USP7: variants seen among roughly 807,000 people sequenced by gnomAD.
USP7 encodes ubiquitin C-terminal hydrolase 7.
A neutral mutation model predicts 162.9 loss-of-function variants in USP7; 9 were observed. The ratio of observed to expected loss-of-function variants is 0.06; its 90% CI spans 0.03 to 0.10. The LOEUF (loss-of-function observed/expected upper bound fraction) is 0.10, where lower values mean the gene tolerates loss of function less well. Ranked by LOEUF, USP7 falls within the 10% of genes least tolerant of loss-of-function variation. The probability of loss-of-function intolerance (pLI) is 1.00; values close to 1 mark genes in which losing one functional copy is unlikely to be tolerated. For missense variants in USP7, 715 were observed against 1,373.7 expected, an observed-to-expected ratio of 0.52 and a Z score of 7.58; for synonymous variants, 562 against 475.9, an observed-to-expected ratio of 1.18 and a Z score of -2.35.
At chr16:8,908,228 CTAAA>C in intron 12 of USP7, 109 bp downstream of exon 12, 3 of 872,658 alleles carry the variant, frequency 3.4e-6, no homozygotes, top group Non-Finnish European at 5.5e-6. Flanking sequence ...GAAGGAAAAT[CTAAA>C]TAAATCAGAT....
chr16:8,920,253 A>AG, intron 5 of USP7, 106 bp downstream of exon 5: 1 of 947,610 alleles, frequency 1.1e-6, no homozygotes, highest in Non-Finnish European at 1.6e-6. Context: ...CGCAGAGAGG[A>AG]GGCTTACTGA....
chr16:8,922,856 G>A (rs187325947), intron 3 of USP7, among the ~76,000 whole-genome samples: 6 of 152,230 alleles, frequency 3.9e-5, no homozygotes, highest in Admixed American at 6.5e-5. Flanking sequence ...TGAACAACCC[G>A]TACAAATTAG....
chr16:8,944,039 C>T lies in USP7; in HGVS notation c.80-13642G>A, dbSNP rs981746525. Among the ~76,000 whole-genome samples, 4 of 152,042 alleles carry T rather than the reference C, an allele frequency of 2.6e-5. No homozygotes were observed. The East Asian group carries it at 7.7e-4, about 29-fold the overall frequency. On this transcript the variant is annotated intron_variant, in intron 1 of 30. Transcript: ENST00000344836. ...AGCCTGGGCAAACATAGGGAGACCC[C>T]CGTCTCTGAAATTAAAAACAAACAA...
At chr16:8,962,264 G>A (rs1900043227) in intron 1 of USP7, among the ~76,000 whole-genome samples, 2 of 152,172 alleles carry the variant, frequency 1.3e-5, no homozygotes, top group South Asian at 2.1e-4. Flanking sequence ...AACTCGTCAC[G>A]TAGGTAAGAA....
chr16:8,926,502 A>T (rs1035528582), intron 2 of USP7, among the ~76,000 whole-genome samples: 3 of 152,076 alleles, frequency 2.0e-5, no homozygotes, highest in Non-Finnish European at 4.4e-5. Flanking sequence ...TCAAGATAGG[A>T]GGGCCAAAAA....
intron 1 of USP7, among the ~76,000 whole-genome samples, chr16:8,955,717 A>AAC (rs919631641): frequency 6.6e-6 from 1 of 151,576 alleles, no homozygotes; most frequent in Non-Finnish European, 1.5e-5. Flanking sequence ...AAAAAAAAAA[A>AAC]AAAAAAAAAC....
chr16:8,958,772 C>T (rs55680140), intron 1 of USP7, among the ~76,000 whole-genome samples: 4 of 152,348 alleles, frequency 2.6e-5, no homozygotes, highest in Non-Finnish European at 2.9e-5. Flanking sequence ...GCATCAGTGG[C>T]GCATGGCACC....
At chr16:8,929,044 C>G (rs1898173511) in intron 2 of USP7, among the ~76,000 whole-genome samples, 1 of 133,862 alleles carries the variant, frequency 7.5e-6, no homozygotes, top group Non-Finnish European at 1.5e-5. Flanking sequence ...GACCTCCCCC[C>G]TAAAAAAAAA....
chr16:8,899,844 T>C (rs1338296280), intron 21 of USP7, 87 bp from the exon 22 acceptor site: 4 of 1,448,090 alleles, frequency 2.8e-6, no homozygotes, highest in Non-Finnish European at 3.9e-6. Flanking sequence ...TACACAACAG[T>C]GACACCAACA....
At chr16:8,913,512 C>A (rs1469423813) in intron 10 of USP7, among the ~76,000 whole-genome samples, 1 of 152,014 alleles carries the variant, frequency 6.6e-6, no homozygotes, top group Non-Finnish European at 1.5e-5. Context: ...GACGGTAGAA[C>A]GTCTAACAGA....
intron 10 of USP7, among the ~76,000 whole-genome samples, chr16:8,912,991 T>C (rs1181620709): frequency 1.3e-5 from 2 of 152,140 alleles, no homozygotes; most frequent in Non-Finnish European, 2.9e-5. Flanking sequence ...CTAGGACATC[T>C]GGAGGCTGGG....
In USP7 at chr16:8,899,646, A is replaced by C; in HGVS notation, c.2421T>G (p.Pro807=). The change falls in exon 22 of 31, where the codon CCT becomes CCG. Residue 807 remains proline (P), a synonymous_variant. Coordinates refer to ENST00000344836, the MANE Select transcript of USP7 (RefSeq NM_003470.3). ...IFCDKTIPND[P]GFVVTLSNRM... is the part of the protein sequence containing the mutation. ...TATTTGATAACGTAACCACAAATCC[A>C]GGATCATTAGGGATTGTTTTATCAC... The C allele has an allele frequency of 6.2e-7, 1 of 1,614,246 alleles. No individual in the cohort carries two copies. The highest frequency in any genetic ancestry group is 8.5e-7 in the Non-Finnish European group (1 of 1,180,026).
chr16:8,955,946 G>C (rs768827892), intron 1 of USP7, among the ~76,000 whole-genome samples: 1 of 152,150 alleles, frequency 6.6e-6, no homozygotes, highest in Non-Finnish European at 1.5e-5. Flanking sequence ...GGGGTGGCAA[G>C]AGAGACAGCC....
At chr16:8,923,172 A>G (rs946546357) in intron 3 of USP7, 43 bp downstream of exon 3, 16 of 1,608,398 alleles carry the variant, frequency 9.9e-6, no homozygotes, top group African/African-American at 1.3e-5. Context: ...AAATTGCACT[A>G]GGCTGATCAA....
chr16:8,904,635 G>C (rs952156727), intron 14 of USP7, 70 bp from the exon 15 acceptor site: 47 of 1,569,250 alleles, frequency 3.0e-5, no homozygotes, highest in Non-Finnish European at 4.0e-5. Flanking sequence ...CCCGATTCTA[G>C]GTCATCATTA....
intron 2 of USP7, among the ~76,000 whole-genome samples, chr16:8,929,868 C>T (rs1215249229): frequency 2.0e-5 from 3 of 152,086 alleles, no homozygotes; most frequent in Non-Finnish European, 4.4e-5. Context: ...CTAACAGGAG[C>T]GGGGAGGGAT....
chr16:8,932,463 T>C (rs1384073577), intron 1 of USP7, among the ~76,000 whole-genome samples: 1 of 152,104 alleles, frequency 6.6e-6, no homozygotes. Context: ...AACTAGTCCC[T>C]AGACCATCAT....
At chr16:8,904,106 C>T (rs2061821656) in intron 15 of USP7, among the ~76,000 whole-genome samples, 1 of 152,204 alleles carries the variant, frequency 6.6e-6, no homozygotes, top group Non-Finnish European at 1.5e-5. Flanking sequence ...CCGCCACCAA[C>T]AGGGCCAGGT....
intron 1 of USP7, among the ~76,000 whole-genome samples, chr16:8,948,899 G>A (rs1470268466): frequency 1.3e-5 from 2 of 152,144 alleles, no homozygotes; most frequent in Non-Finnish European, 2.9e-5. Context: ...AGGAGCTTAA[G>A]GCTGCAATGA....
Sources: allele counts gnomAD v4.1 joint callset (sites outside exome capture counted in the v4.1 genomes callset), GRCh38; gene constraint gnomAD v4.1.1; transcripts MANE v1.5; gene names NCBI Gene and HGNC (gene_info 2026-07-23, HGNC 2026-07-21).